PDIA4: variants seen among roughly 807,000 people sequenced by gnomAD.
PDIA4 encodes protein disulfide-isomerase A4.
PDIA4 carries 33 observed loss-of-function variants against 62.1 expected under a neutral mutation model. The observed-to-expected ratio is 0.53, with a 90% CI of 0.40 to 0.71. The LOEUF (loss-of-function observed/expected upper bound fraction) is 0.71. Among genes scored for constraint, PDIA4 ranks in the 30% least tolerant of loss-of-function variants. The pLI, the probability that PDIA4 is intolerant of heterozygous loss-of-function variation, is 0.00. For missense variants in PDIA4, 804 were observed against 813.6 expected (o/e 0.99, Z 0.14); for synonymous variants, 341 against 324.1 (o/e 1.05, Z -0.56).
chr7:149,012,222 G>A lies in PDIA4; in HGVS notation c.753C>T (p.Gly251=), dbSNP rs764379611. The A allele has an allele frequency of 2.9e-5, 46 of 1,614,018 alleles. No homozygotes were observed. The highest frequency in any genetic ancestry group is 3.9e-5 in the Non-Finnish European group (46 of 1,180,034). ...TGCGGAAAATTTTCAGGGTGGGATA[G>A]CCAGAGACATCAAACCTCTTGGCCA... The part of the protein sequence containing the change: ...TDLAKRFDVS[G]YPTLKIFRKG... The change falls in exon 5 of 10, where the codon GGC becomes GGT. Residue 251 remains glycine, a synonymous_variant. Transcript: ENST00000652332.
At chr7:149,028,182 AC>A in intron 1 of PDIA4, 138 bp downstream of exon 1, 1 of 630,138 alleles carries the variant, frequency 1.6e-6, no homozygotes, top group Non-Finnish European at 2.7e-6. Flanking sequence ...CGCCAAGTTT[AC>A]CCCGGGCTCG....
rs141625285 is a variant in PDIA4, at chr7:149,008,387, C to G, written c.980-77G>C. ...AGATTTAATTCGTTACCCACATCAG[C>G]CAAAGCAAATGTTCTGAAAATGACC... On this transcript the variant is annotated intron_variant, in intron 6 of 9. Transcript: ENST00000652332. 444 of 1,456,956 alleles carry G rather than the reference C, an allele frequency of 3.0e-4. 1 individual carries two copies. The African/African-American group carries it at 4.8e-3, about 16-fold the overall frequency. 90.3% of individuals were successfully genotyped at this position (1,456,956 alleles called of 1,614,324 possible).
Position 149,012,000 on chromosome 7 carries a change from G to A in PDIA4, c.825C>T (p.Ile275=), listed in dbSNP as rs770414968. The change falls in exon 6 of 10, where the codon ATC becomes ATT. Residue 275 remains isoleucine (I), a synonymous_variant. Coordinates refer to ENST00000652332, the MANE Select transcript of PDIA4 (RefSeq NM_004911.5). ...DYNGPREKYG[I]VDYMIEQSGP... is the part of the protein sequence containing the mutation. ...CGGACTGCTCGATCATGTAATCAAC[G>A]ATTCCTGGGAGCAGGGCACACGCCT... is the stretch of plus-strand genomic sequence containing the variant. 10 of 1,591,052 alleles carry A rather than the reference G, an allele frequency of 6.3e-6. No individual in the cohort carries two copies. Among genetic ancestry groups the A allele is most frequent in the South Asian group, 3.4e-5 (3 of 87,858 alleles).
At chr7:149,027,231 T>A (rs1391651514) in intron 1 of PDIA4, among the ~76,000 whole-genome samples, 1 of 152,206 alleles carries the variant, frequency 6.6e-6, no homozygotes, top group African/African-American at 2.4e-5. Flanking sequence ...TAAACAAACA[T>A]GATTTGGGTA....
At chr7:149,017,553 C>T (rs920491739) in intron 3 of PDIA4, among the ~76,000 whole-genome samples, 2 of 152,086 alleles carry the variant, frequency 1.3e-5, no homozygotes, top group Non-Finnish European at 2.9e-5. Context: ...CATCGTACTG[C>T]AGCCTGGGCC....
At position 149,005,967 on chromosome 7, in the gene PDIA4, A is replaced by C. The variant is rs1267942625; in HGVS notation, c.1218T>G (p.Ala406=). The change falls in exon 8 of 10, where the codon GCT becomes GCG. Residue 406 remains alanine (A), a synonymous_variant. Coordinates refer to ENST00000652332, the MANE Select transcript of PDIA4 (RefSeq NM_004911.5). ...CCAGGGGGCGCCTGGTGTAGCGCTT[A>C]GCATCGTTTGACACCTTGCGGTGGC... ...LVGHRKVSND[A]KRYTRRPLVV... is the part of the protein sequence containing the mutation. 1.9e-6 allele frequency: 3 copies of C among 1,539,044 alleles called. No individual in the cohort carries two copies. The South Asian group carries it at 3.8e-5, about 20-fold the overall frequency.
At chr7:149,006,099 C>A in intron 7 of PDIA4, 46 bp from the exon 8 acceptor site, 1 of 1,526,608 alleles carries the variant, frequency 6.6e-7, no homozygotes, top group East Asian at 2.6e-5. Context: ...ATCTCCCCAC[C>A]ATTGTTCTTG....
chr7:149,027,970 G>C (rs1585436846), intron 1 of PDIA4: 1 of 518,090 alleles, frequency 1.9e-6, no homozygotes, highest in African/African-American at 1.9e-5. Context: ...TTCGCCTGGA[G>C]TTAGCCTGGA....
intron 3 of PDIA4, among the ~76,000 whole-genome samples, chr7:149,015,484 G>A (rs1008594229): frequency 1.9e-5 from 2 of 103,712 alleles, no homozygotes; most frequent in East Asian, 2.7e-4. Context: ...TACGTCATAA[G>A]ATGTATGCAA....
chr7:149,012,135 AG>A lies in PDIA4; in HGVS notation c.820+19del. On this transcript the variant is annotated intron_variant, in intron 5 of 9. Coordinates refer to ENST00000652332, the MANE Select transcript of PDIA4 (RefSeq NM_004911.5). ...AGTTTCCCTTCCCCACTGTAGTGGG[AG>A]AGAAGGGAGTGGCCATACCATATTT... 2.5e-6 allele frequency: 4 copies of A among 1,611,770 alleles called. No individual in the cohort carries two copies. Among genetic ancestry groups the A allele is most frequent in the Non-Finnish European group, 3.4e-6 (4 of 1,177,896 alleles).
At chr7:149,025,070 C>CAAAAAAAAAAAAAAAAA (rs1184341612) in intron 1 of PDIA4, among the ~76,000 whole-genome samples, 1 of 70,246 alleles carries the variant, frequency 1.4e-5, no homozygotes, top group African/African-American at 4.7e-5. Context: ...AACTCCATCT[C>CAAAAAAAAAAAAAAAAA]AAAAAAAAAA....
intron 3 of PDIA4, among the ~76,000 whole-genome samples, chr7:149,018,535 G>C (rs969489792): frequency 6.6e-6 from 1 of 152,046 alleles, no homozygotes; most frequent in Non-Finnish European, 1.5e-5. Flanking sequence ...AGGTTCAAGC[G>C]ATTATCCTGC....
chr7:149,019,199 TAAC>T lies in PDIA4; in HGVS notation c.270-5_270-3del. On this transcript the variant is annotated splice_region_variant and splice_polypyrimidine_tract_variant and intron_variant, in intron 2 of 9. Coordinates refer to ENST00000652332, the MANE Select transcript of PDIA4 (RefSeq NM_004911.5). ...GCAAACTGCTTGCAATGTCCACACCTAACAATTAGATTAGGAAGGGCAAAAAAC... is the reference window on the plus strand; with the variant it reads ...GCAAACTGCTTGCAATGTCCACACCTAATTAGATTAGGAAGGGCAAAAAAC... 6.2e-7 allele frequency: 1 copy of T among 1,606,870 alleles called. No individual in the cohort carries two copies. Among genetic ancestry groups the T allele is most frequent in the South Asian group, 1.1e-5 (1 of 90,932 alleles).
chr7:149,018,913 G>C, intron 3 of PDIA4, 79 bp downstream of exon 3: 9 of 1,052,786 alleles, frequency 8.5e-6, no homozygotes, highest in Non-Finnish European at 1.2e-5. Flanking sequence ...GGTACCCTCA[G>C]CTTTTCTTCC....
At chr7:149,015,161 G>C in intron 3 of PDIA4, 119 bp from the exon 4 acceptor site, 1 of 1,012,916 alleles carries the variant, frequency 9.9e-7, no homozygotes, top group South Asian at 1.6e-5. Flanking sequence ...AAGAACAGGA[G>C]GTGTCTGATT....
At chr7:149,017,363 C>G (rs1962975) in intron 3 of PDIA4, among the ~76,000 whole-genome samples, 129,987 of 152,196 alleles carry the variant, frequency 0.85, 58,117 homozygotes, top group Non-Finnish European at 0.98. Flanking sequence ...GTGGGCGGAT[C>G]ACCTGAGGTT....
rs35572261 is a variant in PDIA4, at chr7:149,003,539, TAAA to T, written c.*252_*254del. ...TGAGAAATAAAGAAATTAGAAGGTGTAAAAAAAAATTTTTCAAACCCCAAATAA... is the reference window on the plus strand; with the variant it reads ...TGAGAAATAAAGAAATTAGAAGGTGTAAAAAATTTTTCAAACCCCAAATAA... On this transcript the variant is annotated 3_prime_UTR_variant, in exon 10 of 10. Coordinates refer to ENST00000652332, the MANE Select transcript of PDIA4 (RefSeq NM_004911.5). The T allele has an allele frequency of 8.5e-6, 3 of 354,854 alleles. No individual in the cohort carries two copies. The highest frequency in any genetic ancestry group is 1.5e-5 in the Non-Finnish European group (3 of 199,842). The allele number at this position is 354,854 out of a possible 1,614,324, so 22.0% of individuals were successfully genotyped here.
intron 1 of PDIA4, among the ~76,000 whole-genome samples, chr7:149,024,987 G>A (rs1317256511): frequency 6.8e-6 from 1 of 147,464 alleles, no homozygotes; most frequent in Non-Finnish European, 1.5e-5. Context: ...AGCTGGGCGT[G>A]GTGACACATG....
At chr7:149,022,648 C>A (rs999587367) in intron 1 of PDIA4, among the ~76,000 whole-genome samples, 1 of 152,020 alleles carries the variant, frequency 6.6e-6, no homozygotes, top group African/African-American at 2.4e-5. Flanking sequence ...TGAAAACCTG[C>A]CCCTGGGATC....
Sources: gnomAD v4.1 joint callset for allele counts (sites outside exome capture counted in the v4.1 genomes callset) on GRCh38, gnomAD v4.1.1 for gene constraint, MANE v1.5 for transcripts, NCBI Gene and HGNC (gene_info 2026-07-23, HGNC 2026-07-21) for gene names.